Variants in OR2L13 observed in about 807,000 individuals in gnomAD.
The protein encoded by OR2L13 is olfactory receptor 2L13.
A neutral mutation model predicts 15.3 loss-of-function variants in OR2L13; 14 were observed. The observed-to-expected ratio is 0.91, with a 90% CI of 0.60 to 1.43. The LOEUF (loss-of-function observed/expected upper bound fraction) is 1.43. Ranked by LOEUF, OR2L13 falls within the 40% of genes most tolerant of loss-of-function variation. OR2L13 has a pLI of 0.00. For synonymous variants in OR2L13, 152 were observed against 142.9 expected, an observed-to-expected ratio of 1.06 and a Z score of -0.45; for missense variants, 367 against 387.9, an observed-to-expected ratio of 0.95 and a Z score of 0.45.
chr1:248,092,589 A>G (rs1041275772), upstream of OR2L13, among the ~76,000 whole-genome samples: 3 of 152,308 alleles, frequency 2.0e-5, no homozygotes, highest in African/African-American at 4.8e-5. Flanking sequence ...ATTCTGGTCT[A>G]TAAAACAGAC....
chr1:248,090,313 G>C (rs955206112), upstream of OR2L13, among the ~76,000 whole-genome samples: 1 of 146,780 alleles, frequency 6.8e-6, no homozygotes, highest in Non-Finnish European at 1.5e-5. Flanking sequence ...TTAATTTCTA[G>C]TTTTTGGGGT....
At chr1:247,955,555 A>C in the OR2L13 span, among the ~76,000 whole-genome samples, 3 of 152,046 alleles carry the variant, frequency 2.0e-5, no homozygotes, top group East Asian at 5.8e-4. Flanking sequence ...ACTAGTTTAC[A>C]GTCCCATCAA....
chr1:248,021,881 T>C, the OR2L13 span: 1 of 1,300,548 alleles, frequency 7.7e-7, no homozygotes, highest in Non-Finnish European at 1.1e-6. Flanking sequence ...CCCCTGCAGA[T>C]AATGGGGAAC....
chr1:248,002,868 A>G, the OR2L13 span, among the ~76,000 whole-genome samples: 2 of 151,604 alleles, frequency 1.3e-5, no homozygotes, highest in South Asian at 2.1e-4. Context: ...AAAAAAAAAA[A>G]GAGTTATGGT....
Position 248,100,153 on chromosome 1 carries a change from C to T in OR2L13, c.778C>T (p.Arg260Trp), listed in dbSNP as rs202188433. Residue 260 changes from arginine to tryptophan, a missense_variant, in exon 3 of 3, where the codon CGG becomes TGG. By Grantham distance (101) the Arg-to-Trp change is moderately radical. Transcript: ENST00000641714. Reference sequence around the variant, plus strand: ...TGCACCTTTTGTCTACACCTATCTTCGGCCCAGGAATCTCCGCTCACCAGC... The same window carrying T: ...TGCACCTTTTGTCTACACCTATCTTTGGCCCAGGAATCTCCGCTCACCAGC... The T allele has an allele frequency of 3.7e-5, 60 of 1,614,126 alleles. No homozygotes were observed. In the African/African-American group the frequency reaches 3.7e-4, roughly 10 times the overall value.
the OR2L13 span, chr1:247,938,946 C>T: frequency 6.6e-6 from 1 of 152,192 alleles, no homozygotes; most frequent in Non-Finnish European, 1.5e-5. Flanking sequence ...TTGTAGGTCG[C>T]TGGTAGCTGG....
chr1:247,992,837 A>G, the OR2L13 span, among the ~76,000 whole-genome samples: 2 of 151,992 alleles, frequency 1.3e-5, no homozygotes, highest in African/African-American at 2.4e-5. Context: ...GCAATGAGCA[A>G]TGAATGCATG....
At chr1:248,090,245 T>A (rs1252740115), upstream of OR2L13, among the ~76,000 whole-genome samples, 1 of 152,120 alleles carries the variant, frequency 6.6e-6, no homozygotes, top group Non-Finnish European at 1.5e-5. Context: ...ACTCTCAGGG[T>A]ATGTAAATGT....
At chr1:247,990,543 C>T in the OR2L13 span, 1 of 1,567,094 alleles carries the variant, frequency 6.4e-7, no homozygotes, top group East Asian at 2.2e-5. Flanking sequence ...AGTCTATCTC[C>T]TTCACTGGGT....
At chr1:247,998,888 G>A in the OR2L13 span, among the ~76,000 whole-genome samples, 3 of 151,648 alleles carry the variant, frequency 2.0e-5, no homozygotes, top group Non-Finnish European at 4.4e-5. Flanking sequence ...TAACAACCAC[G>A]CAGAGTTTTT....
At chr1:247,941,248 TTA>T in the OR2L13 span, among the ~76,000 whole-genome samples, 1 of 152,166 alleles carries the variant, frequency 6.6e-6, no homozygotes. Context: ...GTTCTTTCAT[TTA>T]GTTAGGTCCT....
At chr1:247,990,216 T>C in the OR2L13 span, 5 of 677,334 alleles carry the variant, frequency 7.4e-6, no homozygotes, top group African/African-American at 1.8e-5. Context: ...GGAACTACTG[T>C]ACTTCACTTA....
intron 2 of OR2L13, among the ~76,000 whole-genome samples, chr1:248,099,093 G>A (rs1370573510): frequency 6.6e-6 from 1 of 151,956 alleles, no homozygotes; most frequent in Non-Finnish European, 1.5e-5. Flanking sequence ...GCTCACACTG[G>A]CTTTTCCAGT....
upstream of OR2L13, among the ~76,000 whole-genome samples, chr1:248,095,607 C>CTTTGTTTTTTTTTTTTTTTTT (rs1664715601): frequency 2.7e-5 from 1 of 37,294 alleles, no homozygotes; most frequent in Non-Finnish European, 5.4e-5. Flanking sequence ...AAAGCTGCTG[C>CTTTGTTTTTTTTTTTTTTTTT]TTTTTTTTTT....
At chr1:248,016,579 T>A in the OR2L13 span, among the ~76,000 whole-genome samples, 1 of 152,100 alleles carries the variant, frequency 6.6e-6, no homozygotes, top group African/African-American at 2.4e-5. Context: ...GATTATGTAT[T>A]TCAGTAAATT....
the OR2L13 span, among the ~76,000 whole-genome samples, chr1:248,048,295 A>T: frequency 3.2e-4 from 48 of 152,204 alleles, no homozygotes; most frequent in Admixed American, 5.9e-4. Flanking sequence ...GTGGTTCTCC[A>T]ACTTCATACC....
At chr1:247,994,364 T>TC in the OR2L13 span, among the ~76,000 whole-genome samples, 1 of 152,208 alleles carries the variant, frequency 6.6e-6, no homozygotes, top group South Asian at 2.1e-4. Flanking sequence ...TCCACTGCAC[T>TC]CCAGCCGGGG....
the OR2L13 span, among the ~76,000 whole-genome samples, chr1:247,987,714 T>C: frequency 6.6e-6 from 1 of 152,068 alleles, no homozygotes; most frequent in Non-Finnish European, 1.5e-5. Flanking sequence ...TTGATTTAAG[T>C]ATCTCAAATA....
At chr1:248,073,156 G>T in the OR2L13 span, among the ~76,000 whole-genome samples, 1 of 151,996 alleles carries the variant, frequency 6.6e-6, no homozygotes. Flanking sequence ...AAATCATGCT[G>T]CTATAAAGAC....
Sources: gnomAD v4.1 joint callset for allele counts (sites outside exome capture counted in the v4.1 genomes callset) on GRCh38, gnomAD v4.1.1 for gene constraint, MANE v1.5 for transcripts, NCBI Gene and HGNC (gene_info 2026-07-23, HGNC 2026-07-21) for gene names.